C1GALT1: variants seen among roughly 807,000 people sequenced by gnomAD.
C1GALT1 encodes the protein glycoprotein-N-acetylgalactosamine 3-beta-galactosyltransferase 1.
Under a neutral mutation model 31.0 loss-of-function variants are expected in C1GALT1, and 11 were observed. The observed-to-expected ratio is 0.36, with a 90% CI of 0.22 to 0.59. C1GALT1 has a LOEUF of 0.59. Among genes scored for constraint, C1GALT1 ranks in the 20% least tolerant of loss-of-function variants. The pLI is 0.79. For missense variants in C1GALT1, 424 were observed against 425.2 expected, an observed-to-expected ratio of 1.00 and a Z score of 0.03; for synonymous variants, 175 against 143.6, an observed-to-expected ratio of 1.22 and a Z score of -1.56.
upstream of C1GALT1, among the ~76,000 whole-genome samples, chr7:7,182,169 T>TG (rs1366510200): frequency 6.6e-6 from 1 of 152,028 alleles, no homozygotes; most frequent in East Asian, 1.9e-4. Flanking sequence ...GAAAAACAAA[T>TG]GAACGGGTTA....
intron 1 of C1GALT1, among the ~76,000 whole-genome samples, chr7:7,219,269 A>G (rs1159318453): frequency 6.6e-6 from 1 of 152,350 alleles, no homozygotes; most frequent in African/African-American, 2.4e-5. Context: ...AATGACAGAT[A>G]TGTATCATTG....
chr7:7,175,299 T>C (rs1012609834), intron 2 of C1GALT1, among the ~76,000 whole-genome samples: 1 of 152,218 alleles, frequency 6.6e-6, no homozygotes, highest in African/African-American at 2.4e-5. Context: ...TCTCACAGTC[T>C]TTGCAAAGTG....
At position 7,245,844 on chromosome 7, in the gene C1GALT1, CACTT is replaced by C. The variant is rs1277980085; in HGVS notation, c.*2121_*2124del. On this transcript the variant is annotated 3_prime_UTR_variant, in exon 4 of 4. Transcript: ENST00000436587. ...GCTTGGGTTTAAATTCTTGCTCTAA[CACTT>C]ACTGTTTTTGTAACCTTGAGCAATT... is the stretch of plus-strand genomic sequence containing the variant. The C allele has an allele frequency of 1.3e-5, 2 of 152,252 alleles. No homozygotes were observed. Among genetic ancestry groups the C allele is most frequent in the South Asian group, 2.1e-4 (1 of 4,830 alleles). The allele number at this position is 152,252 out of a possible 1,614,324, so 9.4% of individuals were successfully genotyped here. A position where few individuals can be genotyped will look rare whatever the true frequency, so the allele number is the denominator to read the frequency against.
At chr7:7,203,188 C>T (rs68027864) in intron 1 of C1GALT1, among the ~76,000 whole-genome samples, 24,009 of 144,194 alleles carry the variant, frequency 0.17, 2,645 homozygotes, top group Admixed American at 0.33. Flanking sequence ...GTTTGGTTGT[C>T]TTTTGTTTCT....
At position 7,187,498 on chromosome 7, in the gene C1GALT1, G is replaced by C. The variant is rs76783052; in HGVS notation, c.-18+4678G>C. Among the ~76,000 whole-genome samples, 577 of 152,212 alleles carry C rather than the reference G, an allele frequency of 3.8e-3. 5 individuals carry two copies. Among genetic ancestry groups the C allele is most frequent in the African/African-American group, 0.013 (551 of 41,522 alleles). ...GAGAAACAGTTTTAACAAATTAGTG[G>C]AGAGGTTGTTACCTGGAAACATTTA... On this transcript the variant is annotated intron_variant, in intron 1 of 3. Transcript: ENST00000436587.
At chr7:7,215,789 A>T (rs1281755029) in intron 1 of C1GALT1, among the ~76,000 whole-genome samples, 1 of 152,004 alleles carries the variant, frequency 6.6e-6, no homozygotes, top group African/African-American at 2.4e-5. Context: ...GGCTTGAGTT[A>T]GCAGCAACAT....
intron 1 of C1GALT1, among the ~76,000 whole-genome samples, chr7:7,200,708 T>A (rs770530319): frequency 2.0e-5 from 3 of 152,210 alleles, no homozygotes; most frequent in Non-Finnish European, 2.9e-5. Flanking sequence ...TTTACTCTTC[T>A]TTCTCTAAAC....
At chr7:7,218,030 A>G (rs766385735) in intron 1 of C1GALT1, among the ~76,000 whole-genome samples, 2 of 151,890 alleles carry the variant, frequency 1.3e-5, no homozygotes, top group Non-Finnish European at 2.9e-5. Context: ...ATGAGTATAT[A>G]GTAAAGGTGT....
intron 1 of C1GALT1, among the ~76,000 whole-genome samples, chr7:7,206,244 C>G (rs931549315): frequency 6.6e-6 from 1 of 151,922 alleles, no homozygotes; most frequent in Non-Finnish European, 1.5e-5. Context: ...TCCAAAGTTA[C>G]AATAATACTA....
At chr7:7,241,399 T>C (rs536031716) in intron 3 of C1GALT1, among the ~76,000 whole-genome samples, 2 of 152,156 alleles carry the variant, frequency 1.3e-5, no homozygotes, top group South Asian at 4.1e-4. Context: ...CCCAGCACCA[T>C]ATTGTTTTGA....
intron 1 of C1GALT1, chr7:7,209,363 T>G (rs963900028): frequency 3.9e-5 from 6 of 152,230 alleles, no homozygotes; most frequent in African/African-American, 1.4e-4. Flanking sequence ...GGCCATAGTA[T>G]CTGCAGTTAA....
intron 1 of C1GALT1, among the ~76,000 whole-genome samples, chr7:7,227,567 A>C (rs1328479999): frequency 6.6e-6 from 1 of 151,946 alleles, no homozygotes; most frequent in African/African-American, 2.4e-5. Context: ...AAAAACACAA[A>C]AAATTAGCCG....
At chr7:7,191,223 G>A (rs79179322) in intron 1 of C1GALT1, among the ~76,000 whole-genome samples, 5,006 of 152,112 alleles carry the variant, frequency 0.033, 183 homozygotes, top group African/African-American at 0.091. Context: ...ACTTCATGTA[G>A]GTGGAATTGT....
intron 2 of C1GALT1, among the ~76,000 whole-genome samples, chr7:7,175,114 C>T (rs1780491627): frequency 6.6e-6 from 1 of 152,044 alleles, no homozygotes; most frequent in African/African-American, 2.4e-5. Context: ...CTTCACTTTC[C>T]TAGGGGGGTT....
At chr7:7,225,460 T>C (rs1274861280) in intron 1 of C1GALT1, among the ~76,000 whole-genome samples, 2 of 152,218 alleles carry the variant, frequency 1.3e-5, no homozygotes, top group African/African-American at 2.4e-5. Flanking sequence ...TTACATCTGC[T>C]TATAACCAGG....
intron 2 of C1GALT1, among the ~76,000 whole-genome samples, chr7:7,175,354 T>G (rs915905652): frequency 6.6e-6 from 1 of 152,250 alleles, no homozygotes; most frequent in South Asian, 2.1e-4. Context: ...AGCCTTGCAC[T>G]GTGCTAAGGG....
At chr7:7,191,644 A>G (rs1781077709) in intron 1 of C1GALT1, among the ~76,000 whole-genome samples, 1 of 151,934 alleles carries the variant, frequency 6.6e-6, no homozygotes, top group Admixed American at 6.6e-5. Flanking sequence ...ACACTTAACA[A>G]TTTTCTGAAT....
chr7:7,159,719 A>G (rs1360263249), intron 2 of C1GALT1, among the ~76,000 whole-genome samples: 3 of 152,156 alleles, frequency 2.0e-5, no homozygotes, highest in Non-Finnish European at 4.4e-5. Context: ...TGCAATCTTT[A>G]GATAATGTTA....
chr7:7,188,593 A>G (rs1340944229), intron 1 of C1GALT1, among the ~76,000 whole-genome samples: 1 of 96,100 alleles, frequency 1.0e-5, no homozygotes, highest in Non-Finnish European at 2.0e-5. Context: ...TTATAAAATA[A>G]AAAAAAATTT....
Sources: gnomAD v4.1 joint callset for allele counts (sites outside exome capture counted in the v4.1 genomes callset) on GRCh38, gnomAD v4.1.1 for gene constraint, MANE v1.5 for transcripts, NCBI Gene and HGNC (gene_info 2026-07-23, HGNC 2026-07-21) for gene names.